LUZP2: variants seen among roughly 807,000 people sequenced by gnomAD.
The protein encoded by LUZP2 is leucine zipper protein 2.
LUZP2 carries 52 observed loss-of-function variants against 51.6 expected under a neutral mutation model. The observed-to-expected ratio is 1.01, with a 90% CI of 0.81 to 1.27. LUZP2 has a LOEUF of 1.27. Among genes scored for constraint, LUZP2 ranks in the 50% most tolerant of loss-of-function variants. The probability of loss-of-function intolerance (pLI) is 0.00; values close to 1 mark genes in which losing one functional copy is unlikely to be tolerated. For synonymous variants in LUZP2, 154 were observed against 137.3 expected, an observed-to-expected ratio of 1.12 and a Z score of -0.85; for missense variants, 436 against 395.4, an observed-to-expected ratio of 1.10 and a Z score of -0.87.
At chr11:24,576,995 A>G (rs1565002574) in intron 1 of LUZP2, among the ~76,000 whole-genome samples, 1 of 152,082 alleles carries the variant, frequency 6.6e-6, no homozygotes, top group Non-Finnish European at 1.5e-5. Context: ...AAAACACCCT[A>G]TAAGCAATGA....
chr11:24,685,618 G>A (rs1319886984), intron 1 of LUZP2, among the ~76,000 whole-genome samples: 1 of 152,094 alleles, frequency 6.6e-6, no homozygotes, highest in Admixed American at 6.6e-5. Context: ...GCCCAACAAA[G>A]CCTACTTGGG....
At chr11:25,015,792 T>A (rs1030134223) in intron 9 of LUZP2, among the ~76,000 whole-genome samples, 2 of 152,198 alleles carry the variant, frequency 1.3e-5, no homozygotes, top group African/African-American at 4.8e-5. Flanking sequence ...ACTATGATTC[T>A]TGTCCAATTG....
intron 4 of LUZP2, among the ~76,000 whole-genome samples, chr11:24,749,962 A>G (rs936568638): frequency 6.6e-6 from 1 of 152,116 alleles, no homozygotes; most frequent in African/African-American, 2.4e-5. Flanking sequence ...CTGTAAGCCA[A>G]TTCTCCCTAA....
chr11:24,875,364 G>C (rs1269086586), intron 5 of LUZP2, among the ~76,000 whole-genome samples: 1 of 148,574 alleles, frequency 6.7e-6, no homozygotes, highest in Non-Finnish European at 1.5e-5. Context: ...TTGGTTTTTT[G>C]TTCTTGCAAT....
intron 5 of LUZP2, chr11:24,786,543 TA>T: frequency 1.9e-6 from 1 of 539,616 alleles, no homozygotes; most frequent in Non-Finnish European, 2.3e-6. Flanking sequence ...AAATATATAA[TA>T]TATAAACAGG....
At chr11:24,745,262 T>C (rs534566158) in intron 4 of LUZP2, among the ~76,000 whole-genome samples, 1 of 152,326 alleles carries the variant, frequency 6.6e-6, no homozygotes, top group South Asian at 2.1e-4. Flanking sequence ...ATTGTTTCTT[T>C]GTTGACGTTC....
chr11:24,942,626 C>A, intron 7 of LUZP2, among the ~76,000 whole-genome samples: 1 of 151,804 alleles, frequency 6.6e-6, no homozygotes, highest in East Asian at 1.9e-4. Flanking sequence ...AATAATAGTT[C>A]TTTATCAGAT....
chr11:24,729,365 A>AATGTGTTTTT (rs1411789841), intron 2 of LUZP2, 79 bp downstream of exon 2: 1 of 714,848 alleles, frequency 1.4e-6, no homozygotes, highest in African/African-American at 1.8e-5. Context: ...ATGCATTTTT[A>AATGTGTTTTT]AATAGTTTTT....
chr11:24,617,798 C>T (rs571417495), intron 1 of LUZP2, among the ~76,000 whole-genome samples: 1 of 151,844 alleles, frequency 6.6e-6, no homozygotes, highest in Non-Finnish European at 1.5e-5. Flanking sequence ...TACACTCCAG[C>T]CTAGGTGACA....
chr11:24,513,134 G>A (rs1208319847), intron 1 of LUZP2, among the ~76,000 whole-genome samples: 1 of 151,764 alleles, frequency 6.6e-6, no homozygotes, highest in Non-Finnish European at 1.5e-5. Flanking sequence ...GAAAATAGAT[G>A]GTATTGATGT....
chr11:25,065,731 C>T lies in LUZP2; in HGVS notation c.859-11598C>T, dbSNP rs566535519. Among the ~76,000 whole-genome samples, 10 of 151,980 alleles carry T rather than the reference C, an allele frequency of 6.6e-5. No individual in the cohort carries two copies. The East Asian group carries it at 1.9e-3, about 29-fold the overall frequency. ...AATTACTCCAGGTAGAGGAATGAGG[C>T]AAAGAATATATCAGTGTGACAAAAC... is the stretch of plus-strand genomic sequence containing the variant. On this transcript the variant is annotated intron_variant, in intron 10 of 11. Coordinates refer to ENST00000336930, the MANE Select transcript of LUZP2 (RefSeq NM_001009909.4).
intron 5 of LUZP2, among the ~76,000 whole-genome samples, chr11:24,821,796 G>T (rs1200376919): frequency 6.6e-6 from 1 of 151,610 alleles, no homozygotes; most frequent in African/African-American, 2.4e-5. Flanking sequence ...TGTAGTTGAG[G>T]TATAAAAGGT....
intron 1 of LUZP2, among the ~76,000 whole-genome samples, chr11:24,513,434 C>T (rs4922682): frequency 6.6e-6 from 1 of 152,046 alleles, no homozygotes; most frequent in East Asian, 1.9e-4. Context: ...TATAGATGAG[C>T]TTTATCCTGG....
intron 1 of LUZP2, among the ~76,000 whole-genome samples, chr11:24,728,792 T>C (rs926910357): frequency 6.6e-6 from 1 of 152,002 alleles, no homozygotes; most frequent in South Asian, 2.1e-4. Context: ...TTCACACTGC[T>C]GATAAAGGCA....
intron 9 of LUZP2, among the ~76,000 whole-genome samples, chr11:25,005,760 G>A (rs1000331104): frequency 2.6e-5 from 4 of 152,126 alleles, no homozygotes; most frequent in Non-Finnish European, 5.9e-5. Context: ...CGGATTTAGT[G>A]GCCCTTACCA....
chr11:24,970,227 G>A (rs1307302522), intron 7 of LUZP2, among the ~76,000 whole-genome samples: 1 of 152,072 alleles, frequency 6.6e-6, no homozygotes, highest in East Asian at 1.9e-4. Flanking sequence ...TAAGTTTTAA[G>A]GCTCCACTAT....
intron 1 of LUZP2, among the ~76,000 whole-genome samples, chr11:24,685,247 A>G (rs548237573): frequency 7.2e-5 from 11 of 152,186 alleles, no homozygotes; most frequent in African/African-American, 2.2e-4. Context: ...AACCAAATTT[A>G]TCTGTTTTTC....
chr11:24,902,996 G>A (rs993036777), intron 5 of LUZP2, among the ~76,000 whole-genome samples: 2 of 151,990 alleles, frequency 1.3e-5, no homozygotes, highest in East Asian at 1.9e-4. Flanking sequence ...TTTTAAATAC[G>A]CTGTTTATTA....
chr11:24,905,879 A>G (rs1367879936), intron 5 of LUZP2, 112 bp from the exon 6 acceptor site: 1 of 639,210 alleles, frequency 1.6e-6, no homozygotes, highest in Non-Finnish European at 2.8e-6. Context: ...TACATTTTAC[A>G]TCATGAAGGT....
Sources: gnomAD v4.1 joint callset for allele counts (sites outside exome capture counted in the v4.1 genomes callset) on GRCh38, gnomAD v4.1.1 for gene constraint, MANE v1.5 for transcripts, NCBI Gene and HGNC (gene_info 2026-07-23, HGNC 2026-07-21) for gene names.